Variants in ADCY3 observed in about 807,000 individuals in gnomAD.
ADCY3 encodes adenylate cyclase type 3.
ADCY3 carries 70 observed loss-of-function variants against 119.4 expected under a neutral mutation model. The ratio of observed to expected loss-of-function variants is 0.59; its 90% CI spans 0.48 to 0.72. The LOEUF (loss-of-function observed/expected upper bound fraction) is 0.72. ADCY3 is among the 30% of genes least tolerant of loss of function. ADCY3 has a pLI of 0.00. For synonymous variants in ADCY3, 672 were observed against 621.4 expected (o/e 1.08, Z -1.21); for missense variants, 1,238 against 1,541.6 (o/e 0.80, Z 3.30).
At chr2:24,822,827 C>A (rs976638672) in intron 18 of ADCY3, among the ~76,000 whole-genome samples, 197 bp from the exon 19 acceptor site, 1 of 152,224 alleles carries the variant, frequency 6.6e-6, no homozygotes, top group African/African-American at 2.4e-5. Context: ...GTTTCCACAA[C>A]CTCAACACTG....
intron 2 of ADCY3, among the ~76,000 whole-genome samples, chr2:24,879,860 G>T (rs530807430): frequency 1.3e-5 from 2 of 152,274 alleles, no homozygotes; most frequent in African/African-American, 4.8e-5. Context: ...GGCTCCCCAA[G>T]AGCTAAGGAT....
chr2:24,820,303 AGT>A, intron 21 of ADCY3, 189 bp from the exon 22 acceptor site: 1 of 1,302,968 alleles, frequency 7.7e-7, no homozygotes, highest in Non-Finnish European at 9.9e-7. Flanking sequence ...AGAACCCTGG[AGT>A]GACTGGCTGG....
intron 3 of ADCY3, among the ~76,000 whole-genome samples, chr2:24,863,672 G>A (rs921210490): frequency 6.6e-6 from 1 of 152,220 alleles, no homozygotes; most frequent in African/African-American, 2.4e-5. Flanking sequence ...CAGGCGTTGA[G>A]CCACTATGCC....
intron 6 of ADCY3, among the ~76,000 whole-genome samples, chr2:24,840,874 G>A (rs529039086): frequency 1.3e-5 from 2 of 152,248 alleles, no homozygotes; most frequent in African/African-American, 2.4e-5. Flanking sequence ...AGATGGAGAG[G>A]GCAGTGCCTT....
At chr2:24,823,477 T>G in intron 17 of ADCY3, 122 bp from the exon 18 acceptor site, 1 of 1,000,778 alleles carries the variant, frequency 1.0e-6, no homozygotes, top group Non-Finnish European at 1.4e-6. Flanking sequence ...CACACATCAG[T>G]CAGATTATTC....
chr2:24,869,850 G>A (rs1674747223), intron 3 of ADCY3, among the ~76,000 whole-genome samples: 1 of 152,144 alleles, frequency 6.6e-6, no homozygotes, highest in Non-Finnish European at 1.5e-5. Context: ...TCAAGCACAT[G>A]GAAAGGAAGG....
chr2:24,860,627 CACCCTTTG>C (rs1319074721), intron 3 of ADCY3, among the ~76,000 whole-genome samples: 1 of 152,232 alleles, frequency 6.6e-6, no homozygotes, highest in Non-Finnish European at 1.5e-5. Context: ...TGCCTCAATG[CACCCTTTG>C]ACATGTGGAC....
intron 21 of ADCY3, 118 bp downstream of exon 21, chr2:24,820,606 T>TG: frequency 6.6e-7 from 1 of 1,511,692 alleles, no homozygotes; most frequent in Non-Finnish European, 8.9e-7. Flanking sequence ...CCCACGTCTC[T>TG]GCCTCTGGAC....
Position 24,819,963 on chromosome 2 carries a change from G to A in ADCY3, c.3404C>T (p.Thr1135Ile), listed in dbSNP as rs778587134. The change falls in exon 22 of 22, where the codon ACA becomes ATA. Residue 1135 changes from threonine to isoleucine, a missense_variant. Thr to Ile is a moderately conservative substitution (Grantham distance 89). Around this residue, in one of 7 missense-constraint regions of ADCY3, gnomAD observed 86 missense variants for 70.7 expected, o/e 1.22. Coordinates refer to ENST00000679454, the MANE Select transcript of ADCY3 (RefSeq NM_004036.5). ...GTTGTCCACCACCTGGTGGGGCAGTGTGACAGAGGGGCCATTGGGGAAGGT... is the reference window on the plus strand; with the variant it reads ...GTTGTCCACCACCTGGTGGGGCAGTATGACAGAGGGGCCATTGGGGAAGGT... ...LATFPNGPSV[T>I]LPHQVVDNS 15 of 1,613,874 alleles carry A rather than the reference G, an allele frequency of 9.3e-6. No individual in the cohort carries two copies. In the East Asian group the frequency reaches 1.1e-4, roughly 12 times the overall value.
intron 16 of ADCY3, among the ~76,000 whole-genome samples, chr2:24,824,972 G>T (rs1462144016): frequency 6.6e-6 from 1 of 152,220 alleles, no homozygotes; most frequent in African/African-American, 2.4e-5. Context: ...GGCAAGGGAA[G>T]TAAGACCCTG....
In ADCY3 at chr2:24,834,529, G is replaced by T. The variant is rs144816894; in HGVS notation, c.1923C>A (p.Val641=). 6.2e-6 allele frequency: 10 copies of T among 1,613,736 alleles called. 1 individual carries two copies. The highest frequency in any genetic ancestry group is 8.5e-6 in the Non-Finnish European group (10 of 1,180,004). The change falls in exon 11 of 22, where the codon GTC becomes GTA. Residue 641 remains valine, a synonymous_variant. Coordinates refer to ENST00000679454, the MANE Select transcript of ADCY3 (RefSeq NM_004036.5). The surrounding 1 kb of genome is among the most constrained non-coding windows in gnomAD (Gnocchi z 4.2). ...QSGAAFSCSC[V]VLLCTALVEI... is the part of the protein sequence containing the mutation. ...CGACCAGGGCCGTGCAGAGCAGGAC[G>T]ACGCAGGAGCAGCTGAAGGCAGCCC...
In ADCY3 at chr2:24,918,293, G is replaced by A. The variant is rs754729408; in HGVS notation, c.675+20C>T. 5 of 1,531,552 alleles carry A rather than the reference G, an allele frequency of 3.3e-6. No homozygotes were observed. The highest frequency in any genetic ancestry group is 2.6e-5 in the South Asian group (2 of 77,918). The allele number at this position is 1,531,552 out of a possible 1,614,324, so 94.9% of individuals were successfully genotyped here. ...AGCTGCAGGAGAGGACGCTGTGGGGGGACAGTGGGCAGGACTCACCTCCCG... is the reference window on the plus strand; with the variant it reads ...AGCTGCAGGAGAGGACGCTGTGGGGAGACAGTGGGCAGGACTCACCTCCCG... On this transcript the variant is annotated intron_variant, in intron 2 of 21. Coordinates refer to ENST00000679454, the MANE Select transcript of ADCY3 (RefSeq NM_004036.5). The surrounding 1 kb of genome is among the most constrained non-coding windows in gnomAD (Gnocchi z 5.4).
chr2:24,871,340 G>A (rs1674984941), intron 3 of ADCY3, among the ~76,000 whole-genome samples: 2 of 152,240 alleles, frequency 1.3e-5, no homozygotes, highest in South Asian at 4.1e-4. Flanking sequence ...CCCAGGGGAA[G>A]GGGCGAATAC....
rs59644324 is a variant in ADCY3 at position 24,910,661 on chromosome 2, C to CT, written c.675+7651dup. Among the ~76,000 whole-genome samples the CT allele has an allele frequency of 2.0e-3, 261 of 131,450 alleles. 2 individuals are homozygous for CT. The highest frequency in any genetic ancestry group is 4.6e-3 in the East Asian group (21 of 4,598). The allele number at this position is 131,450 out of a possible 152,430, so 86.2% of individuals were successfully genotyped here. On this transcript the variant is annotated intron_variant, in intron 2 of 21. Coordinates refer to ENST00000679454, the MANE Select transcript of ADCY3 (RefSeq NM_004036.5). ...TTTAATATTTCCTTTCTTTTCTTTT[C>CT]TTTTTTTTTTTTTTTTGTGAGACAG... is the stretch of plus-strand genomic sequence containing the variant.
In ADCY3 at chr2:24,823,195, G is replaced by C; in HGVS notation, c.2883+14C>G. ...GGCTTCATGGCCAGAGTGCAGGGTGGGATGGGCACTCACAGAGTCAAAATC... is the reference window on the plus strand; with the variant it reads ...GGCTTCATGGCCAGAGTGCAGGGTGCGATGGGCACTCACAGAGTCAAAATC... On this transcript the variant is annotated intron_variant, in intron 18 of 21. Coordinates refer to ENST00000679454, the MANE Select transcript of ADCY3 (RefSeq NM_004036.5). 1 of 1,610,416 alleles carries C rather than the reference G, an allele frequency of 6.2e-7. No individual in the cohort carries two copies. Among genetic ancestry groups the C allele is most frequent in the Non-Finnish European group, 8.5e-7 (1 of 1,178,636 alleles).
rs777887022 is a variant in ADCY3, at chr2:24,827,983, G to A, written c.2351C>T (p.Ala784Val). 3 of 1,614,240 alleles carry A rather than the reference G, an allele frequency of 1.9e-6. No individual in the cohort carries two copies. The highest frequency in any genetic ancestry group is 3.3e-5 in the Admixed American group (2 of 60,034). ...MVKLTLMLLVAGAVATINLYA... is the reference protein window; with the variant it reads ...MVKLTLMLLVVGAVATINLYA... ...GAGGTTGATGGTGGCCACGGCGCCTGCGACGAGCAGCATGAGCGTGAGCTT... is the reference window on the plus strand; with the variant it reads ...GAGGTTGATGGTGGCCACGGCGCCTACGACGAGCAGCATGAGCGTGAGCTT... The change falls in exon 14 of 22, where the codon GCA (alanine) becomes GTA (valine). Residue 784 changes from alanine to valine, a missense_variant. Transcript: ENST00000679454.
Position 24,872,463 on chromosome 2 carries a change from C to T in ADCY3, c.825+107G>A, listed in dbSNP as rs114973930. 410 of 1,388,312 alleles carry T rather than the reference C, an allele frequency of 3.0e-4. No individual in the cohort carries two copies. Among genetic ancestry groups the T allele is most frequent in the Middle Eastern group, 1.0e-3 (4 of 3,936 alleles). The allele number at this position is 1,388,312 out of a possible 1,614,324, so 86.0% of individuals were successfully genotyped here. ...CAAACACCTGAACAGGGTGGATGAA[C>T]GCCAAGCCCCACGGAGCCAGGGGCT... On this transcript the variant is annotated intron_variant, in intron 3 of 21. Transcript: ENST00000679454. This position sits in a 1 kb window ranked among gnomAD's most constrained non-coding sequence, Gnocchi z 4.4.
At chr2:24,825,020 G>T (rs2148397209) in intron 16 of ADCY3, among the ~76,000 whole-genome samples, 1 of 152,320 alleles carries the variant, frequency 6.6e-6, no homozygotes, top group South Asian at 2.1e-4. Context: ...CCCAATAGTG[G>T]TGCGGTTCCC....
At chr2:24,875,339 ACCCCCAACCT>A (rs1675552912) in intron 2 of ADCY3, among the ~76,000 whole-genome samples, 1 of 151,846 alleles carries the variant, frequency 6.6e-6, no homozygotes, top group Admixed American at 6.6e-5. Context: ...GAGCTTGGCA[ACCCCCAACCT>A]CCCCCACCCC....
Sources: gnomAD v4.1 joint callset for allele counts (sites outside exome capture counted in the v4.1 genomes callset) on GRCh38, gnomAD v4.1.1 for gene constraint, gnomAD v4.1.1 regional missense constraint, Gnocchi (gnomAD v3.1) non-coding constraint, MANE v1.5 for transcripts, NCBI Gene and HGNC (gene_info 2026-07-23, HGNC 2026-07-21) for gene names.